The following ZNF521 variants were observed in gnomAD, a reference collection of about 807,000 sequenced individuals.
The protein encoded by ZNF521 is LYST-interacting protein 3.
Under a neutral mutation model 105.5 loss-of-function variants are expected in ZNF521, and 14 were observed. The observed-to-expected ratio is 0.13, with a 90% CI of 0.09 to 0.21. ZNF521 has a LOEUF of 0.21. Ranked by LOEUF, ZNF521 falls within the 10% of genes least tolerant of loss-of-function variation. The pLI, the probability that ZNF521 is intolerant of heterozygous loss-of-function variation, is 1.00. For missense variants in ZNF521, 1,233 were observed against 1,629.7 expected (o/e 0.76, Z 4.19); for synonymous variants, 635 against 606.0 (o/e 1.05, Z -0.70).
intron 5 of ZNF521, among the ~76,000 whole-genome samples, chr18:25,141,318 G>C (rs1220941839): frequency 6.6e-6 from 1 of 152,174 alleles, no homozygotes; most frequent in Non-Finnish European, 1.5e-5. Flanking sequence ...TATGTGATGT[G>C]CACAAAAGGT....
chr18:25,293,862 A>T (rs895456598), intron 3 of ZNF521, among the ~76,000 whole-genome samples: 4 of 152,202 alleles, frequency 2.6e-5, no homozygotes, highest in Non-Finnish European at 5.9e-5. Context: ...CATTTTTAAG[A>T]GACAATACTC....
chr18:25,269,054 A>G (rs1293096324), intron 3 of ZNF521, among the ~76,000 whole-genome samples: 1 of 151,768 alleles, frequency 6.6e-6, no homozygotes, highest in Non-Finnish European at 1.5e-5. Flanking sequence ...GCAAAGACAT[A>G]CATAGGCTCA....
chr18:25,343,650 A>C (rs937200585), intron 2 of ZNF521, among the ~76,000 whole-genome samples: 1 of 152,216 alleles, frequency 6.6e-6, no homozygotes, highest in African/African-American at 2.4e-5. Flanking sequence ...ATGCTTTCCA[A>C]ACCAAATCAT....
At chr18:25,233,357 C>A (rs1906662651) in intron 3 of ZNF521, among the ~76,000 whole-genome samples, 1 of 151,644 alleles carries the variant, frequency 6.6e-6, no homozygotes, top group Admixed American at 6.6e-5. Context: ...AAAAAATCAA[C>A]AGCTCCACAT....
At chr18:25,091,419 T>C (rs1400961374) in intron 6 of ZNF521, among the ~76,000 whole-genome samples, 1 of 143,262 alleles carries the variant, frequency 7.0e-6, no homozygotes, top group Non-Finnish European at 1.6e-5. Flanking sequence ...CAACTTCTAC[T>C]CTAAAAATCC....
At chr18:25,186,904 T>TAAAAAAAAAAAAAAAAAAAA (rs113619835) in intron 5 of ZNF521, among the ~76,000 whole-genome samples, 1 of 74,328 alleles carries the variant, frequency 1.3e-5, no homozygotes, top group Admixed American at 1.4e-4. Flanking sequence ...AAAGTAATGC[T>TAAAAAAAAAAAAAAAAAAAA]AAAAAAAAAA....
Position 25,227,771 on chromosome 18 carries a change from C to G in ZNF521, c.221-74G>C. 2.3e-6 allele frequency: 3 copies of G among 1,313,620 alleles called. No homozygotes were observed. The highest frequency in any genetic ancestry group is 3.1e-6 in the Non-Finnish European group (3 of 958,938). The allele number at this position is 1,313,620 out of a possible 1,614,324, so 81.4% of individuals were successfully genotyped here. ...GAGTGAGTTTACCGTAGCATTTCAA[C>G]CAGCACGCAGAGTTGGGCCCTCTTG... On this transcript the variant is annotated intron_variant, in intron 3 of 7. Coordinates refer to ENST00000361524, the MANE Select transcript of ZNF521 (RefSeq NM_015461.3). The surrounding 1 kb of genome is among the most constrained non-coding windows in gnomAD (Gnocchi z 5.7).
Position 25,155,670 on chromosome 18 carries a change from AG to A in ZNF521, c.3658+39489del, listed in dbSNP as rs759302959. ...GGTTTTCCCAGTAGCATGTATGGAA[AG>A]GCCTATCCTTTCCTCACTGTGTCTT... On this transcript the variant is annotated intron_variant, in intron 5 of 7. Coordinates refer to ENST00000361524, the MANE Select transcript of ZNF521 (RefSeq NM_015461.3). Among the ~76,000 whole-genome samples the A allele has an allele frequency of 1.2e-3, 178 of 152,316 alleles. 1 individual carries two copies. Among genetic ancestry groups the A allele is most frequent in the Non-Finnish European group, 1.8e-3 (123 of 68,020 alleles).
chr18:25,168,588 G>T (rs997822364), intron 5 of ZNF521, among the ~76,000 whole-genome samples: 2 of 152,136 alleles, frequency 1.3e-5, no homozygotes, highest in Non-Finnish European at 2.9e-5. Context: ...GGGGAAGAAG[G>T]GGAGAAGACA....
At chr18:25,098,900 T>C (rs1344775931) in intron 5 of ZNF521, among the ~76,000 whole-genome samples, 2 of 152,172 alleles carry the variant, frequency 1.3e-5, no homozygotes, top group Non-Finnish European at 2.9e-5. Flanking sequence ...GTATAAAACA[T>C]TTGTTTCCAT....
chr18:25,112,524 C>T (rs989007060), intron 5 of ZNF521, among the ~76,000 whole-genome samples: 3 of 152,262 alleles, frequency 2.0e-5, no homozygotes, highest in Non-Finnish European at 4.4e-5. Context: ...ATAAAGAGCA[C>T]AGCTGAGATT....
chr18:25,246,122 G>A (rs142621742), intron 3 of ZNF521, among the ~76,000 whole-genome samples: 1 of 152,254 alleles, frequency 6.6e-6, no homozygotes, highest in African/African-American at 2.4e-5. Flanking sequence ...CATACCTAAT[G>A]TAAATGACGA....
intron 5 of ZNF521, among the ~76,000 whole-genome samples, chr18:25,186,903 C>T (rs1386445323): frequency 2.2e-5 from 2 of 90,578 alleles, no homozygotes; most frequent in African/African-American, 1.1e-4. Flanking sequence ...TAAAGTAATG[C>T]TAAAAAAAAA....
intron 4 of ZNF521, among the ~76,000 whole-genome samples, chr18:25,206,731 A>T (rs560516739): frequency 6.6e-6 from 1 of 152,140 alleles, no homozygotes; most frequent in African/African-American, 2.4e-5. Flanking sequence ...TTTCTCATCC[A>T]TCCATTCCAC....
intron 5 of ZNF521, among the ~76,000 whole-genome samples, chr18:25,129,201 G>A (rs568975152): frequency 6.6e-6 from 1 of 150,598 alleles, no homozygotes; most frequent in South Asian, 2.1e-4. Context: ...AATGGTGAAA[G>A]TATAATTTCC....
At chr18:25,303,446 C>T (rs12604407) in intron 3 of ZNF521, among the ~76,000 whole-genome samples, 16,481 of 151,736 alleles carry the variant, frequency 0.11, 2,051 homozygotes, top group East Asian at 0.29. Flanking sequence ...TACAGGTGCC[C>T]GCCACCATGC....
chr18:25,130,499 T>C (rs1466781997), intron 5 of ZNF521, among the ~76,000 whole-genome samples: 2 of 152,188 alleles, frequency 1.3e-5, no homozygotes, highest in African/African-American at 4.8e-5. Flanking sequence ...TGTATCATTA[T>C]TGGTTCATCA....
intron 3 of ZNF521, among the ~76,000 whole-genome samples, chr18:25,267,292 T>TA: frequency 6.6e-6 from 1 of 152,060 alleles, no homozygotes; most frequent in Non-Finnish European, 1.5e-5. Flanking sequence ...GACTTATAGA[T>TA]AAAACCCCCA....
At chr18:25,243,173 G>C (rs1189754064) in intron 3 of ZNF521, among the ~76,000 whole-genome samples, 1 of 152,054 alleles carries the variant, frequency 6.6e-6, no homozygotes, top group Non-Finnish European at 1.5e-5. Flanking sequence ...ATTATTTGTG[G>C]AACTCTGAAC....
Sources: gnomAD v4.1 joint callset for allele counts (sites outside exome capture counted in the v4.1 genomes callset) on GRCh38, gnomAD v4.1.1 for gene constraint, Gnocchi (gnomAD v3.1) non-coding constraint, MANE v1.5 for transcripts, NCBI Gene and HGNC (gene_info 2026-07-23, HGNC 2026-07-21) for gene names.